SOX5: variants seen among roughly 807,000 people sequenced by gnomAD.
The protein encoded by SOX5 is transcription factor SOX-5.
Under a neutral mutation model 92.0 loss-of-function variants are expected in SOX5, and 9 were observed. The observed-to-expected ratio is 0.10, with a 90% CI of 0.06 to 0.17. The LOEUF is 0.17. Among genes scored for constraint, SOX5 ranks in the 10% least tolerant of loss-of-function variants. The pLI is 1.00. For missense variants in SOX5, 642 were observed against 944.5 expected (o/e 0.68, Z 4.20); for synonymous variants, 344 against 336.3 (o/e 1.02, Z -0.25).
intron 7 of SOX5, among the ~76,000 whole-genome samples, chr12:23,653,961 A>G (rs1027958313): frequency 5.9e-5 from 9 of 152,150 alleles, no homozygotes; most frequent in African/African-American, 1.7e-4. Flanking sequence ...GACTGAATAA[A>G]TGAAGGAAGA....
At chr12:24,413,755 A>G (rs1428193564) in intron 1 of SOX5, among the ~76,000 whole-genome samples, 1 of 152,214 alleles carries the variant, frequency 6.6e-6, no homozygotes, top group African/African-American at 2.4e-5. Flanking sequence ...AGCCCACAAG[A>G]GGTTCCAAGC....
intron 1 of SOX5, among the ~76,000 whole-genome samples, chr12:24,505,721 G>A (rs529816264): frequency 3.3e-5 from 5 of 152,166 alleles, no homozygotes; most frequent in East Asian, 1.9e-4. Flanking sequence ...AAACCCATAC[G>A]CACTATGAGT....
At chr12:24,032,212 G>A (rs1955585323) in intron 4 of SOX5, among the ~76,000 whole-genome samples, 1 of 151,474 alleles carries the variant, frequency 6.6e-6, no homozygotes, top group African/African-American at 2.4e-5. Context: ...CTTTAACATT[G>A]TTTTGATTTT....
intron 10 of SOX5, among the ~76,000 whole-genome samples, chr12:23,564,392 T>TA: frequency 6.6e-6 from 1 of 152,284 alleles, no homozygotes; most frequent in East Asian, 1.9e-4. Flanking sequence ...AACTAGGGCA[T>TA]AAAATGGCAT....
intron 1 of SOX5, among the ~76,000 whole-genome samples, chr12:24,416,527 A>G (rs1192442747): frequency 2.0e-5 from 3 of 152,244 alleles, no homozygotes; most frequent in African/African-American, 7.2e-5. Context: ...TGACTGAAAT[A>G]CAGCCTTAGG....
chr12:23,757,872 T>TG (rs1189168132), intron 3 of SOX5, among the ~76,000 whole-genome samples: 1 of 151,818 alleles, frequency 6.6e-6, no homozygotes, highest in Non-Finnish European at 1.5e-5. Context: ...CTGTCTAAGT[T>TG]GCAGAGTTAA....
At chr12:24,354,377 G>T (rs943591058) in intron 2 of SOX5, among the ~76,000 whole-genome samples, 4 of 152,262 alleles carry the variant, frequency 2.6e-5, no homozygotes, top group Admixed American at 6.5e-5. Context: ...TGCAGAAGGT[G>T]GGGGAGAAGG....
At chr12:23,800,864 C>T (rs1258544738) in intron 3 of SOX5, among the ~76,000 whole-genome samples, 1 of 152,060 alleles carries the variant, frequency 6.6e-6, no homozygotes, top group Non-Finnish European at 1.5e-5. Context: ...TGAGACAATC[C>T]TACCTTATAG....
At chr12:24,314,515 T>A (rs1296790801) in intron 2 of SOX5, among the ~76,000 whole-genome samples, 2 of 150,626 alleles carry the variant, frequency 1.3e-5, no homozygotes, top group Non-Finnish European at 3.0e-5. Flanking sequence ...TAAAGTATAA[T>A]AAAAATAAAA....
In SOX5 at chr12:24,026,701, G is replaced by C. The variant is rs542979000; in HGVS notation, c.-1-130677C>G. Among the ~76,000 whole-genome samples, 4 of 150,362 alleles carry C rather than the reference G, an allele frequency of 2.7e-5. No homozygotes were observed. In the South Asian group the frequency reaches 8.4e-4, roughly 32 times the overall value. ...AAAGGAATGTTAAATTGTATGCATA[G>C]AGTTCTTTAAAGTTCTCCATAGCAA... On this transcript the variant is annotated intron_variant, in intron 4 of 4. Transcript: ENST00000446891.
At chr12:24,244,653 T>C (rs1938252212) in intron 3 of SOX5, among the ~76,000 whole-genome samples, 1 of 152,242 alleles carries the variant, frequency 6.6e-6, no homozygotes, top group South Asian at 2.1e-4. Flanking sequence ...GAAACACTCA[T>C]CACAGTGCCT....
At chr12:24,299,086 T>C (rs1947655130) in intron 2 of SOX5, among the ~76,000 whole-genome samples, 1 of 152,194 alleles carries the variant, frequency 6.6e-6, no homozygotes, top group Non-Finnish European at 1.5e-5. Flanking sequence ...TTTTCTCTAC[T>C]TTGCAGGGTG....
chr12:24,042,603 T>A (rs1430457951), intron 4 of SOX5, among the ~76,000 whole-genome samples: 1 of 152,152 alleles, frequency 6.6e-6, no homozygotes, highest in Non-Finnish European at 1.5e-5. Flanking sequence ...GTATATTTAG[T>A]GTATCATTTG....
intron 4 of SOX5, among the ~76,000 whole-genome samples, chr12:24,057,270 T>C (rs1958231075): frequency 6.6e-6 from 1 of 152,000 alleles, no homozygotes; most frequent in Non-Finnish European, 1.5e-5. Context: ...TCAAAGCAAA[T>C]GTAAACTAAA....
At chr12:24,246,483 T>C (rs560304669) in intron 3 of SOX5, among the ~76,000 whole-genome samples, 1 of 152,222 alleles carries the variant, frequency 6.6e-6, no homozygotes, top group Admixed American at 6.5e-5. Context: ...AGGAATACAT[T>C]CTCATGTTAT....
At chr12:24,324,037 C>T (rs1453378021) in intron 2 of SOX5, among the ~76,000 whole-genome samples, 1 of 152,126 alleles carries the variant, frequency 6.6e-6, no homozygotes, top group African/African-American at 2.4e-5. Context: ...AGCAAATGGA[C>T]TGGATCGTCC....
intron 1 of SOX5, among the ~76,000 whole-genome samples, chr12:24,534,180 G>T (rs551803213): frequency 6.6e-6 from 1 of 152,104 alleles, no homozygotes; most frequent in East Asian, 1.9e-4. Context: ...CACTCCACTT[G>T]CAGTTTTTGA....
chr12:24,216,805 A>G (rs1341880516), intron 3 of SOX5, among the ~76,000 whole-genome samples: 1 of 151,974 alleles, frequency 6.6e-6, no homozygotes, highest in Non-Finnish European at 1.5e-5. Context: ...GTGCACGCCT[A>G]TAATCCCAGC....
At chr12:24,132,426 T>C (rs1408975897) in intron 4 of SOX5, among the ~76,000 whole-genome samples, 2 of 152,172 alleles carry the variant, frequency 1.3e-5, no homozygotes, top group Non-Finnish European at 2.9e-5. Context: ...TATCTATATA[T>C]ATTTTTAATT....
Sources: gnomAD v4.1 joint callset for allele counts (sites outside exome capture counted in the v4.1 genomes callset) on GRCh38, gnomAD v4.1.1 for gene constraint, MANE v1.5 for transcripts, NCBI Gene and HGNC (gene_info 2026-07-23, HGNC 2026-07-21) for gene names.